ESRRB: variants seen among roughly 807,000 people sequenced by gnomAD.
ESRRB encodes estrogen related receptor beta.
A neutral mutation model predicts 46.0 loss-of-function variants in ESRRB; 16 were observed. The observed-to-expected ratio is 0.35, with a 90% CI of 0.24 to 0.53. The LOEUF is 0.53. Ranked by LOEUF, ESRRB falls within the 20% of genes least tolerant of loss-of-function variation. ESRRB has a pLI of 0.93. For synonymous variants in ESRRB, 246 were observed against 259.6 expected (o/e 0.95, Z 0.50); for missense variants, 488 against 607.4 (o/e 0.80, Z 2.07).
chr14:76,409,126 G>A (rs1186663098), intron 1 of ESRRB, among the ~76,000 whole-genome samples: 1 of 152,182 alleles, frequency 6.6e-6, no homozygotes, highest in Non-Finnish European at 1.5e-5. Context: ...CAGTTTCTTG[G>A]ACAGATTAAG....
At chr14:76,372,564 G>A (rs570790105), upstream of ESRRB, among the ~76,000 whole-genome samples, 2 of 152,288 alleles carry the variant, frequency 1.3e-5, no homozygotes, top group East Asian at 3.9e-4. Context: ...GGTCATGGTG[G>A]CTCATGCCTA....
intron 1 of ESRRB, among the ~76,000 whole-genome samples, chr14:76,390,379 C>T (rs1885418418): frequency 6.6e-6 from 1 of 152,150 alleles, no homozygotes; most frequent in South Asian, 2.1e-4. Flanking sequence ...ATCCCACCTC[C>T]TTGGGAGGCT....
At position 76,449,949 on chromosome 14, in the gene ESRRB, G is replaced by A. The variant is rs142667068; in HGVS notation, c.460+10199G>A. On this transcript the variant is annotated intron_variant, in intron 2 of 6. Coordinates refer to ENST00000644823, the MANE Select transcript of ESRRB (RefSeq NM_001379180.1). ...TTATTTTTTAAAAAAATTGTAAAGC[G>A]GAGTCTCTCTATGTTGCCTACACTG... 4.5e-3 allele frequency among the ~76,000 whole-genome samples: 689 copies of A among 152,074 alleles called. 3 individuals are homozygous for A. The highest frequency in any genetic ancestry group is 7.2e-3 in the Non-Finnish European group (490 of 67,992).
chr14:76,368,992 T>A (rs1884559453), upstream of ESRRB, among the ~76,000 whole-genome samples: 1 of 151,924 alleles, frequency 6.6e-6, no homozygotes, highest in Non-Finnish European at 1.5e-5. Flanking sequence ...AGGTAAGGAG[T>A]TTGAGACCAG....
intron 1 of ESRRB, chr14:76,407,470 G>C: frequency 1.1e-6 from 1 of 914,430 alleles, no homozygotes; most frequent in Non-Finnish European, 1.3e-6. Flanking sequence ...CTCTGACCTT[G>C]ACTTTGGTTT....
In ESRRB at chr14:76,351,554, G is replaced by A. The variant is rs1292815099; in HGVS notation, c.2+40638G>A. Among the ~76,000 whole-genome samples, 11 of 152,284 alleles carry A rather than the reference G, an allele frequency of 7.2e-5. No individual in the cohort carries two copies. The East Asian group carries it at 1.5e-3, about 21-fold the overall frequency. ...CTCATCTTAACTTGACATCTGCAAT[G>A]ACCATATTTCTAAATAAGGTCACAT... is the stretch of plus-strand genomic sequence containing the variant. On this transcript the variant is annotated intron_variant, in intron 1 of 6. Transcript: ENST00000512784.
At chr14:76,344,249 T>C (rs1435253017) in intron 1 of ESRRB, among the ~76,000 whole-genome samples, 2 of 152,208 alleles carry the variant, frequency 1.3e-5, no homozygotes, top group African/African-American at 4.8e-5. Context: ...TTGTTATTAG[T>C]GTTGTGCTTT....
In ESRRB at chr14:76,327,119, A is replaced by G. The variant is rs1595045215; in HGVS notation, c.2+16203A>G. Among the ~76,000 whole-genome samples, 3 of 152,350 alleles carry G rather than the reference A, an allele frequency of 2.0e-5. No homozygotes were observed. In the East Asian group the frequency reaches 5.8e-4, roughly 29 times the overall value. ...AAGTGGCCCACTGTCCTTCACTACC[A>G]GCAGCTCACATTGCCCAGCCTGTGC... On this transcript the variant is annotated intron_variant, in intron 1 of 6. Transcript: ENST00000512784.
chr14:76,430,441 C>T (rs1235642276), intron 1 of ESRRB, among the ~76,000 whole-genome samples: 1 of 152,180 alleles, frequency 6.6e-6, no homozygotes, highest in Admixed American at 6.5e-5. Flanking sequence ...ATGGCAAGTT[C>T]CTTGAAGAAT....
At chr14:76,486,618 TG>T (rs1405649462) in intron 5 of ESRRB, among the ~76,000 whole-genome samples, 2 of 151,700 alleles carry the variant, frequency 1.3e-5, no homozygotes, top group African/African-American at 4.8e-5. Flanking sequence ...GATGGGGGGA[TG>T]GGGAGCTTGG....
chr14:76,378,937 C>G (rs1407845018), intron 1 of ESRRB, among the ~76,000 whole-genome samples: 3 of 152,164 alleles, frequency 2.0e-5, no homozygotes, highest in African/African-American at 7.2e-5. Context: ...CGTGTATGCT[C>G]TGCTCACTGT....
At chr14:76,377,668 C>T (rs547470567) in intron 1 of ESRRB, among the ~76,000 whole-genome samples, 15 of 152,268 alleles carry the variant, frequency 9.9e-5, no homozygotes, top group African/African-American at 2.9e-4. Flanking sequence ...CTCGCTCTCC[C>T]CCTCCCCCCA....
chr14:76,481,964 C>T, intron 3 of ESRRB, 52 bp from the exon 4 acceptor site: 1 of 1,541,752 alleles, frequency 6.5e-7, no homozygotes, highest in South Asian at 1.1e-5. Context: ...AGTGCTTCTA[C>T]CCTGGTGATG....
At chr14:76,346,594 G>C (rs895410927) in intron 1 of ESRRB, among the ~76,000 whole-genome samples, 3 of 152,190 alleles carry the variant, frequency 2.0e-5, no homozygotes, top group Admixed American at 2.0e-4. Context: ...TGGATTTCTG[G>C]CTGGGAGTGC....
chr14:76,494,200 C>A (rs181044185), intron 6 of ESRRB, among the ~76,000 whole-genome samples: 1 of 152,054 alleles, frequency 6.6e-6, no homozygotes, highest in African/African-American at 2.4e-5. Flanking sequence ...ATTTTACATA[C>A]GTCCACAGAG....
At chr14:76,412,727 A>G (rs975029530) in intron 1 of ESRRB, among the ~76,000 whole-genome samples, 2 of 152,204 alleles carry the variant, frequency 1.3e-5, no homozygotes, top group East Asian at 3.8e-4. Context: ...TTCCATTTAC[A>G]TAAGGATTAG....
At chr14:76,468,610 G>A (rs1889229709) in intron 3 of ESRRB, among the ~76,000 whole-genome samples, 2 of 151,926 alleles carry the variant, frequency 1.3e-5, no homozygotes, top group Admixed American at 6.6e-5. Context: ...CGGTGGTCAC[G>A]TAGGCCTGGT....
In ESRRB at chr14:76,482,145, C is replaced by T. The variant is rs1323210843; in HGVS notation, c.688+19C>T. The stretch of plus-strand genomic sequence containing the variant: ...AAGCCATGTGAGTGTCAGGGCAGTC[C>T]CTGCCCCTTTTGCCAGCATCTGTAC... On this transcript the variant is annotated intron_variant, in intron 4 of 6. Coordinates refer to ENST00000644823, the MANE Select transcript of ESRRB (RefSeq NM_001379180.1). This position sits in a 1 kb window ranked among gnomAD's most constrained non-coding sequence, Gnocchi z 4.3. The T allele has an allele frequency of 3.2e-6, 5 of 1,573,162 alleles. No individual in the cohort carries two copies. Among genetic ancestry groups the T allele is most frequent in the Non-Finnish European group, 3.5e-6 (4 of 1,142,856 alleles).
At position 76,340,318 on chromosome 14, in the gene ESRRB, C is replaced by G. The variant is rs564455728; in HGVS notation, c.2+29402C>G. Among the ~76,000 whole-genome samples, 12 of 152,334 alleles carry G rather than the reference C, an allele frequency of 7.9e-5. No individual in the cohort carries two copies. In the South Asian group the frequency reaches 2.5e-3, roughly 32 times the overall value. The stretch of plus-strand genomic sequence containing the variant: ...ACGGACAGATGTGAGCACCCCTGTG[C>G]CCCCGGCCCATGCTCCTGACACACA... On this transcript the variant is annotated intron_variant, in intron 1 of 6. Transcript: ENST00000512784.
Sources: gnomAD v4.1 joint callset for allele counts (sites outside exome capture counted in the v4.1 genomes callset) on GRCh38, gnomAD v4.1.1 for gene constraint, Gnocchi (gnomAD v3.1) non-coding constraint, MANE v1.5 for transcripts, NCBI Gene and HGNC (gene_info 2026-07-23, HGNC 2026-07-21) for gene names.